EPHA5: variants seen among roughly 807,000 people sequenced by gnomAD.
EPHA5 encodes ephrin type-A receptor 5.
EPHA5 carries 60 observed loss-of-function variants against 105.0 expected under a neutral mutation model. That is an observed-to-expected ratio of 0.57 (90% CI 0.46 to 0.71). EPHA5 has a LOEUF of 0.71. Ranked by LOEUF, EPHA5 falls within the 30% of genes least tolerant of loss-of-function variation. The probability of loss-of-function intolerance (pLI) is 0.00; values close to 1 mark genes in which losing one functional copy is unlikely to be tolerated. For missense variants in EPHA5, 1,218 were observed against 1,274.7 expected, an observed-to-expected ratio of 0.96 and a Z score of 0.68; for synonymous variants, 513 against 449.1, an observed-to-expected ratio of 1.14 and a Z score of -1.80.
Position 65,473,987 on chromosome 4 carries a change from A to G in EPHA5, c.1402+16390T>C, listed in dbSNP as rs182664519. Among the ~76,000 whole-genome samples, 224 of 145,000 alleles carry G rather than the reference A, an allele frequency of 1.5e-3. 1 individual carries two copies. The highest frequency in any genetic ancestry group is 2.4e-3 in the Non-Finnish European group (157 of 66,430). ...ATGAATTCTTTTTACACTTGGACAC[A>G]GGAAGGGGGACATCACACACCGGGG... On this transcript the variant is annotated intron_variant, in intron 5 of 16. Transcript: ENST00000613740.
intron 1 of EPHA5, among the ~76,000 whole-genome samples, chr4:65,659,073 AC>A (rs1481060270): frequency 6.6e-6 from 1 of 151,926 alleles, no homozygotes; most frequent in African/African-American, 2.4e-5. Flanking sequence ...TTTCCAGGAA[AC>A]CTTTCTGTCT....
At chr4:65,522,820 A>T (rs1415344566) in intron 3 of EPHA5, among the ~76,000 whole-genome samples, 1 of 151,956 alleles carries the variant, frequency 6.6e-6, no homozygotes, top group African/African-American at 2.4e-5. Context: ...CCAATTTACT[A>T]CAGTTAAAAT....
At chr4:65,487,814 T>C (rs749779676) in intron 5 of EPHA5, among the ~76,000 whole-genome samples, 2 of 152,222 alleles carry the variant, frequency 1.3e-5, no homozygotes, top group Non-Finnish European at 2.9e-5. Flanking sequence ...CCTGCTTAGC[T>C]GGCTCTATGT....
intron 8 of EPHA5, among the ~76,000 whole-genome samples, chr4:65,368,370 T>C (rs1182081843): frequency 6.6e-6 from 1 of 152,168 alleles, no homozygotes; most frequent in African/African-American, 2.4e-5. Flanking sequence ...GACCTGAAAA[T>C]GAAATCAGTG....
At chr4:65,537,427 A>T (rs1414149285) in intron 3 of EPHA5, among the ~76,000 whole-genome samples, 17 of 151,854 alleles carry the variant, frequency 1.1e-4, no homozygotes, top group Admixed American at 1.1e-3. Context: ...CTGCCACTGT[A>T]GCAAAACCTG....
intron 3 of EPHA5, among the ~76,000 whole-genome samples, chr4:65,495,775 G>T (rs1731872644): frequency 2.0e-5 from 3 of 152,112 alleles, no homozygotes; most frequent in Admixed American, 2.0e-4. Flanking sequence ...TACTTGTAAT[G>T]ATTTTTATGC....
At chr4:65,648,008 C>A (rs1422629584) in intron 1 of EPHA5, among the ~76,000 whole-genome samples, 18 of 152,084 alleles carry the variant, frequency 1.2e-4, no homozygotes, top group Admixed American at 1.1e-3. Flanking sequence ...CTTTAGTATG[C>A]TTTAATTGTA....
chr4:65,566,028 T>C (rs561494618), intron 3 of EPHA5, among the ~76,000 whole-genome samples: 1 of 151,784 alleles, frequency 6.6e-6, no homozygotes, highest in African/African-American at 2.4e-5. Flanking sequence ...TCCTTCAAAA[T>C]ATCCTTTCAA....
intron 11 of EPHA5, among the ~76,000 whole-genome samples, chr4:65,356,731 C>A (rs545118343): frequency 6.6e-6 from 1 of 151,512 alleles, no homozygotes; most frequent in Non-Finnish European, 1.5e-5. Flanking sequence ...GAATAAGACA[C>A]TTCAGGACCC....
intron 5 of EPHA5, among the ~76,000 whole-genome samples, chr4:65,432,845 TAATA>T (rs1725108030): frequency 1.3e-5 from 2 of 151,462 alleles, no homozygotes; most frequent in African/African-American, 4.8e-5. Context: ...GCATATAAAT[TAATA>T]AAGTATATAT....
chr4:65,596,907 A>G (rs1359444670), intron 3 of EPHA5, among the ~76,000 whole-genome samples: 1 of 152,178 alleles, frequency 6.6e-6, no homozygotes, highest in African/African-American at 2.4e-5. Flanking sequence ...AATTGCATGG[A>G]CACCTAATAT....
At chr4:65,403,299 A>G (rs1002389548) in intron 8 of EPHA5, among the ~76,000 whole-genome samples, 1 of 152,174 alleles carries the variant, frequency 6.6e-6, no homozygotes, top group African/African-American at 2.4e-5. Flanking sequence ...TATGAGTCGA[A>G]TAGGTGCTGA....
At chr4:65,362,971 A>G (rs1474857324) in intron 11 of EPHA5, among the ~76,000 whole-genome samples, 2 of 151,688 alleles carry the variant, frequency 1.3e-5, no homozygotes, top group Non-Finnish European at 3.0e-5. Context: ...AAAAATTGTC[A>G]TGTACGCATA....
chr4:65,595,581 A>AT (rs200521084), intron 3 of EPHA5, among the ~76,000 whole-genome samples: 5,133 of 98,442 alleles, frequency 0.052, 304 homozygotes, highest in African/African-American at 0.14. Flanking sequence ...ATCTCACAAG[A>AT]TTTTTTTTTT....
At position 65,322,642 on chromosome 4, in the gene EPHA5, T is replaced by C. The variant is rs1383659644; in HGVS notation, c.*1472A>G. The C allele has an allele frequency of 1.8e-5, 4 of 225,442 alleles. No homozygotes were observed. Among genetic ancestry groups the C allele is most frequent in the Admixed American group, 5.7e-5 (1 of 17,428 alleles). The allele number at this position is 225,442 out of a possible 1,614,324, so 14.0% of individuals were successfully genotyped here. On this transcript the variant is annotated 3_prime_UTR_variant, in exon 17 of 17. Transcript: ENST00000613740. ...TCATGTGTGGTATATAGAGCATACA[T>C]AGAAGATATGTTATATTCCTTAATA...
chr4:65,552,123 G>A (rs973335867), intron 3 of EPHA5, among the ~76,000 whole-genome samples: 2 of 152,134 alleles, frequency 1.3e-5, no homozygotes, highest in African/African-American at 4.8e-5. Flanking sequence ...AAAGCTGTCC[G>A]GCCCTGTGGC....
chr4:65,365,883 C>G (rs1398488059), intron 10 of EPHA5, 49 bp downstream of exon 10: 7 of 1,578,106 alleles, frequency 4.4e-6, no homozygotes, highest in Non-Finnish European at 4.3e-6. Context: ...ATATTACATT[C>G]TGGAATGCAA....
intron 3 of EPHA5, among the ~76,000 whole-genome samples, chr4:65,550,895 G>A: frequency 6.6e-6 from 1 of 151,720 alleles, no homozygotes; most frequent in East Asian, 1.9e-4. Context: ...GTACAAACTT[G>A]ATGAATCAAT....
intron 6 of EPHA5, 38 bp downstream of exon 6, chr4:65,420,403 A>AG (rs1315365925): frequency 1.3e-6 from 2 of 1,525,450 alleles, no homozygotes; most frequent in African/African-American, 2.9e-5. Flanking sequence ...ATGAAAAAAA[A>AG]AAGAAAGTGA....
Sources: gnomAD v4.1 joint callset for allele counts (sites outside exome capture counted in the v4.1 genomes callset) on GRCh38, gnomAD v4.1.1 for gene constraint, MANE v1.5 for transcripts, NCBI Gene and HGNC (gene_info 2026-07-23, HGNC 2026-07-21) for gene names.